The following GALNT17 variants were observed in gnomAD, a reference collection of about 807,000 sequenced individuals.
The protein encoded by GALNT17 is polypeptide N-acetylgalactosaminyltransferase 17, also known as UDP-GalNAc:polypeptide N-acetylgalactosaminyltransferase-like 3.
Under a neutral mutation model 63.7 loss-of-function variants are expected in GALNT17, and 29 were observed. The observed-to-expected ratio is 0.46, with a 90% confidence interval of 0.34 to 0.62. The LOEUF is 0.62. Among genes scored for constraint, GALNT17 ranks in the 20% least tolerant of loss-of-function variants. GALNT17 has a pLI of 0.01. For synonymous variants in GALNT17, 305 were observed against 318.3 expected (o/e 0.96, Z 0.45); for missense variants, 603 against 799.6 (o/e 0.75, Z 2.97).
At chr7:71,239,050 A>G (rs1179254331) in intron 1 of GALNT17, among the ~76,000 whole-genome samples, 6 of 152,306 alleles carry the variant, frequency 3.9e-5, no homozygotes, top group African/African-American at 1.4e-4. Flanking sequence ...TCAAGCCTAG[A>G]GATGAGCCTG....
intron 1 of GALNT17, among the ~76,000 whole-genome samples, chr7:71,231,230 G>T (rs1011129473): frequency 8.5e-5 from 12 of 140,472 alleles, no homozygotes; most frequent in Admixed American, 1.4e-4. Flanking sequence ...TATTTTTGCT[G>T]TTTTTTTTTT....
At chr7:71,149,485 T>A (rs1788093343) in intron 1 of GALNT17, among the ~76,000 whole-genome samples, 1 of 152,002 alleles carries the variant, frequency 6.6e-6, no homozygotes, top group Admixed American at 6.6e-5. Flanking sequence ...GGGCGAAACG[T>A]GTGCTGGGGT....
chr7:71,263,623 G>C (rs1232355013), intron 1 of GALNT17, among the ~76,000 whole-genome samples: 1 of 152,094 alleles, frequency 6.6e-6, no homozygotes, highest in African/African-American at 2.4e-5. Context: ...TGGAGGTCTT[G>C]TTAAAACCTC....
chr7:71,455,252 ATAG>A (rs1302328981), intron 5 of GALNT17, among the ~76,000 whole-genome samples: 1 of 151,702 alleles, frequency 6.6e-6, no homozygotes, highest in Non-Finnish European at 1.5e-5. Flanking sequence ...GTTGGCTGAA[ATAG>A]TAGGTGGAGC....
At chr7:71,133,504 C>T (rs1787726401) in intron 1 of GALNT17, among the ~76,000 whole-genome samples, 1 of 152,094 alleles carries the variant, frequency 6.6e-6, no homozygotes, top group Non-Finnish European at 1.5e-5. Context: ...CCCCAGGTCG[C>T]GGAGCTAATG....
rs1425300459 is a variant in GALNT17, at chr7:71,450,283, T to C, written c.962+29178T>C. On this transcript the variant is annotated intron_variant, in intron 5 of 10. Transcript: ENST00000333538. The stretch of plus-strand genomic sequence containing the variant: ...CGCGAGTAGTGGCATTACAGGCATG[T>C]GCCACAAGGTCTAGCTAATTTTTGT... Among the ~76,000 whole-genome samples the C allele has an allele frequency of 5.9e-5, 9 of 152,028 alleles. No individual in the cohort carries two copies. The East Asian group carries it at 1.2e-3, about 20-fold the overall frequency.
chr7:71,307,581 G>C (rs1042273848), intron 1 of GALNT17: 7 of 151,840 alleles, frequency 4.6e-5, no homozygotes, highest in African/African-American at 1.7e-4. Flanking sequence ...AATCGAGGAA[G>C]ACTTCCTGGT....
chr7:71,625,632 T>C (rs1479269486), intron 6 of GALNT17, among the ~76,000 whole-genome samples: 3 of 152,110 alleles, frequency 2.0e-5, no homozygotes, highest in Non-Finnish European at 4.4e-5. Flanking sequence ...GGGTTTGAGC[T>C]CAGAGCCCAT....
chr7:71,576,528 T>TG (rs1322618721), intron 6 of GALNT17, among the ~76,000 whole-genome samples: 24 of 134,716 alleles, frequency 1.8e-4, no homozygotes, highest in African/African-American at 5.9e-4. Context: ...GTTTTTTAAC[T>TG]TTGTGTGTGT....
rs78591764 is a variant in GALNT17, at chr7:71,150,258, C to A, written c.238+17218C>A. Among the ~76,000 whole-genome samples the A allele has an allele frequency of 8.6e-3, 1,311 of 152,106 alleles. 14 individuals are homozygous for A. The highest frequency in any genetic ancestry group is 0.017 in the Middle Eastern group (5 of 294). Reference sequence around the variant, plus strand: ...ATACTAGGGTCTGGATGAGACAGGTCAATATCAAGCGGCATAGAACTACCG... The same window carrying A: ...ATACTAGGGTCTGGATGAGACAGGTAAATATCAAGCGGCATAGAACTACCG... On this transcript the variant is annotated intron_variant, in intron 1 of 10. Coordinates refer to ENST00000333538, the MANE Select transcript of GALNT17 (RefSeq NM_022479.3).
rs1585828529 is a variant in GALNT17 at position 71,135,474 on chromosome 7, C to T, written c.238+2434C>T. 2.0e-5 allele frequency among the ~76,000 whole-genome samples: 3 copies of T among 152,194 alleles called. No homozygotes were observed. The South Asian group carries it at 6.2e-4, about 31-fold the overall frequency. ...CTCTGACACCCGCCTGAACAACTTG[C>T]TCACAGTCACCCAGCTAGTGAGTGT... On this transcript the variant is annotated intron_variant, in intron 1 of 10. Transcript: ENST00000333538.
intron 1 of GALNT17, among the ~76,000 whole-genome samples, chr7:71,204,353 T>C (rs544197132): frequency 5.3e-5 from 8 of 152,188 alleles, no homozygotes; most frequent in Non-Finnish European, 8.8e-5. Flanking sequence ...CTTTGTTTTG[T>C]TTGCACGAGA....
At chr7:71,526,689 G>A (rs190657944) in intron 5 of GALNT17, among the ~76,000 whole-genome samples, 1 of 151,592 alleles carries the variant, frequency 6.6e-6, no homozygotes, top group Admixed American at 6.6e-5. Flanking sequence ...CTGACTGATT[G>A]TTGTATTTTT....
At chr7:71,210,253 C>A (rs1268533382) in intron 1 of GALNT17, among the ~76,000 whole-genome samples, 1 of 152,138 alleles carries the variant, frequency 6.6e-6, no homozygotes, top group Non-Finnish European at 1.5e-5. Context: ...CAATTATCTC[C>A]CCCTGGGTCC....
chr7:71,208,191 C>T (rs1413739240), intron 1 of GALNT17, among the ~76,000 whole-genome samples: 1 of 152,088 alleles, frequency 6.6e-6, no homozygotes, highest in Non-Finnish European at 1.5e-5. Flanking sequence ...CCTGGCTTGG[C>T]CTTCCAAATT....
At chr7:71,531,347 C>T (rs1788717861) in intron 5 of GALNT17, among the ~76,000 whole-genome samples, 1 of 152,110 alleles carries the variant, frequency 6.6e-6, no homozygotes, top group African/African-American at 2.4e-5. Context: ...GATCTACCCC[C>T]TTAGCAAATA....
At chr7:71,472,954 G>A (rs1296913271) in intron 5 of GALNT17, among the ~76,000 whole-genome samples, 1 of 152,138 alleles carries the variant, frequency 6.6e-6, no homozygotes, top group African/African-American at 2.4e-5. Context: ...GTGTGCCCAA[G>A]GTTGTCAGGT....
intron 1 of GALNT17, among the ~76,000 whole-genome samples, chr7:71,282,735 T>G (rs1790800205): frequency 6.7e-6 from 1 of 149,878 alleles, no homozygotes; most frequent in Admixed American, 6.6e-5. Context: ...ATGGGGAGGG[T>G]CAGGTTTCAG....
intron 2 of GALNT17, among the ~76,000 whole-genome samples, chr7:71,338,724 G>A (rs1377979123): frequency 2.0e-5 from 3 of 152,182 alleles, no homozygotes; most frequent in African/African-American, 4.8e-5. Context: ...TATTAGATTT[G>A]TAGTGTCTCT....
Sources: gnomAD v4.1 joint callset for allele counts (sites outside exome capture counted in the v4.1 genomes callset) on GRCh38, gnomAD v4.1.1 for gene constraint, MANE v1.5 for transcripts, NCBI Gene and HGNC (gene_info 2026-07-23, HGNC 2026-07-21) for gene names.